GRM8: variants seen among roughly 807,000 people sequenced by gnomAD.
GRM8 encodes metabotropic glutamate receptor 8.
GRM8 carries 47 observed loss-of-function variants against 87.2 expected under a neutral mutation model. The observed-to-expected ratio is 0.54, with a 90% CI of 0.43 to 0.69. The LOEUF is 0.69. Among genes scored for constraint, GRM8 ranks in the 30% least tolerant of loss-of-function variants. The pLI is 0.00. For missense variants in GRM8, 1,019 were observed against 1,139.2 expected, an observed-to-expected ratio of 0.89 and a Z score of 1.52; for synonymous variants, 396 against 404.5, an observed-to-expected ratio of 0.98 and a Z score of 0.25.
chr7:126,656,479 C>G (rs751145277), intron 7 of GRM8, among the ~76,000 whole-genome samples: 1 of 152,038 alleles, frequency 6.6e-6, no homozygotes, highest in Non-Finnish European at 1.5e-5. Flanking sequence ...GAGATCGAGA[C>G]CAACCTGACC....
chr7:127,036,938 T>C (rs1817904849), intron 3 of GRM8, among the ~76,000 whole-genome samples: 1 of 152,214 alleles, frequency 6.6e-6, no homozygotes, highest in Admixed American at 6.5e-5. Flanking sequence ...CTCCTGGTTC[T>C]ATTTAATGAC....
At chr7:126,520,440 T>C (rs1812812025) in intron 9 of GRM8, among the ~76,000 whole-genome samples, 1 of 152,084 alleles carries the variant, frequency 6.6e-6, no homozygotes, top group Non-Finnish European at 1.5e-5. Context: ...GTTCACATTT[T>C]TGAACACGTA....
chr7:127,069,310 G>A (rs1194896114), intron 3 of GRM8, among the ~76,000 whole-genome samples: 1 of 152,042 alleles, frequency 6.6e-6, no homozygotes, highest in Non-Finnish European at 1.5e-5. Flanking sequence ...TTACAGGCAT[G>A]CACCAACATG....
intron 6 of GRM8, among the ~76,000 whole-genome samples, chr7:126,866,837 A>G (rs1005286252): frequency 1.3e-5 from 2 of 151,648 alleles, no homozygotes; most frequent in African/African-American, 4.8e-5. Context: ...TGATCCACCC[A>G]CCTCGGCCTC....
At chr7:127,031,256 GT>G (rs1238432157) in intron 3 of GRM8, among the ~76,000 whole-genome samples, 2 of 151,682 alleles carry the variant, frequency 1.3e-5, no homozygotes, top group African/African-American at 4.8e-5. Context: ...TCTTCCTTTT[GT>G]TTTTTTCCCC....
chr7:127,045,634 C>CA lies in GRM8; in HGVS notation c.727+60861dup, dbSNP rs1293735339. 2.0e-5 allele frequency among the ~76,000 whole-genome samples: 3 copies of CA among 151,984 alleles called. No individual in the cohort carries two copies. In the East Asian group the frequency reaches 5.8e-4, roughly 29 times the overall value. ...TTAATTATATTTTCATCAACCACAA[C>CA]AAAAAAATAGATTCCATTCTTTCTT... is the stretch of plus-strand genomic sequence containing the variant. On this transcript the variant is annotated intron_variant, in intron 3 of 10. Coordinates refer to ENST00000339582, the MANE Select transcript of GRM8 (RefSeq NM_000845.3).
chr7:126,594,649 A>C (rs1348339911), intron 8 of GRM8, among the ~76,000 whole-genome samples: 1 of 152,082 alleles, frequency 6.6e-6, no homozygotes, highest in Non-Finnish European at 1.5e-5. Flanking sequence ...TGTTCAAGAG[A>C]TCTATTGTAC....
intron 6 of GRM8, among the ~76,000 whole-genome samples, chr7:126,849,557 G>A (rs953507074): frequency 6.6e-6 from 1 of 152,096 alleles, no homozygotes; most frequent in Non-Finnish European, 1.5e-5. Context: ...TCTTCATGCT[G>A]CTCAGCAAAC....
At chr7:126,768,357 T>TAAC (rs1818437865) in intron 7 of GRM8, among the ~76,000 whole-genome samples, 1 of 53,550 alleles carries the variant, frequency 1.9e-5, no homozygotes, top group Non-Finnish European at 3.1e-5. Flanking sequence ...TTTGATAATG[T>TAAC]AAAAAAAAAA....
intron 3 of GRM8, chr7:126,981,030 G>C (rs1028680769): frequency 2.6e-5 from 4 of 152,278 alleles, no homozygotes; most frequent in African/African-American, 9.7e-5. Flanking sequence ...CAGGTGCTAA[G>C]CCCACCACTC....
chr7:126,861,254 T>C (rs1798111386), intron 6 of GRM8, among the ~76,000 whole-genome samples: 1 of 152,138 alleles, frequency 6.6e-6, no homozygotes, highest in East Asian at 1.9e-4. Flanking sequence ...ATCACCACTA[T>C]GCTCTCAATA....
At chr7:126,678,748 C>T (rs947100176) in intron 7 of GRM8, among the ~76,000 whole-genome samples, 2 of 152,130 alleles carry the variant, frequency 1.3e-5, no homozygotes, top group African/African-American at 4.8e-5. Context: ...GTGACAGTTG[C>T]ATACAGTATC....
At chr7:126,774,904 A>T (rs1198578963) in intron 6 of GRM8, among the ~76,000 whole-genome samples, 8 of 152,172 alleles carry the variant, frequency 5.3e-5, no homozygotes, top group Non-Finnish European at 1.2e-4. Context: ...TCAGAGGACT[A>T]ATTTAATTGT....
intron 6 of GRM8, among the ~76,000 whole-genome samples, chr7:126,861,478 TAAAGTA>T (rs1282294187): frequency 9.2e-5 from 14 of 152,204 alleles, no homozygotes; most frequent in African/African-American, 3.4e-4. Flanking sequence ...AACTGCCCTC[TAAAGTA>T]GTTTGACCAA....
chr7:126,932,814 C>A (rs1162763475), intron 3 of GRM8, among the ~76,000 whole-genome samples: 1 of 152,126 alleles, frequency 6.6e-6, no homozygotes, highest in Non-Finnish European at 1.5e-5. Context: ...TTCAAAAGAA[C>A]TCTCAGAAAT....
chr7:126,516,345 G>A (rs1812159258), intron 9 of GRM8, among the ~76,000 whole-genome samples: 1 of 151,934 alleles, frequency 6.6e-6, no homozygotes, highest in South Asian at 2.1e-4. Context: ...AGGAAACCCT[G>A]AACATTGTTC....
At chr7:126,867,709 G>T (rs1402451172) in intron 6 of GRM8, among the ~76,000 whole-genome samples, 1 of 152,100 alleles carries the variant, frequency 6.6e-6, no homozygotes, top group Admixed American at 6.6e-5. Flanking sequence ...GCAGAGGAAA[G>T]CCAGAGAAGA....
chr7:126,720,338 G>A (rs974711936), intron 7 of GRM8, among the ~76,000 whole-genome samples: 1 of 151,736 alleles, frequency 6.6e-6, no homozygotes, highest in South Asian at 2.1e-4. Context: ...TAGAGACAGG[G>A]TCTATGTGGC....
intron 6 of GRM8, among the ~76,000 whole-genome samples, chr7:126,884,484 T>TA: frequency 1.3e-5 from 2 of 152,248 alleles, no homozygotes; most frequent in East Asian, 3.9e-4. Flanking sequence ...ATCCTTGCTT[T>TA]AAAAAAATGG....
Sources: gnomAD v4.1 joint callset for allele counts (sites outside exome capture counted in the v4.1 genomes callset) on GRCh38, gnomAD v4.1.1 for gene constraint, MANE v1.5 for transcripts, NCBI Gene and HGNC (gene_info 2026-07-23, HGNC 2026-07-21) for gene names.